The following GNG7 variants were observed in gnomAD, a reference collection of about 807,000 sequenced individuals.
GNG7 encodes the protein G protein subunit gamma 7, also known as guanine nucleotide-binding protein G(I)/G(S)/G(O) subunit gamma-7.
In GNG7, 1 loss-of-function variant was observed where a neutral mutation model predicts 4.0. The ratio of observed to expected loss-of-function variants is 0.25; its 90% CI spans 0.09 to 1.18. The LOEUF (loss-of-function observed/expected upper bound fraction) is 1.18, where lower values mean the gene tolerates loss of function less well. Among genes scored for constraint, GNG7 ranks in the 50% most tolerant of loss-of-function variants. The pLI is 0.50. For missense variants in GNG7, 86 were observed against 91.9 expected, an observed-to-expected ratio of 0.94 and a Z score of 0.26; for synonymous variants, 34 against 36.9, an observed-to-expected ratio of 0.92 and a Z score of 0.29.
chr19:2,570,014 G>A (rs1019535592), intron 2 of GNG7, among the ~76,000 whole-genome samples: 4 of 152,142 alleles, frequency 2.6e-5, no homozygotes, highest in Middle Eastern at 3.2e-3. Flanking sequence ...CCCTATGTTG[G>A]AGGTGAGGCT....
At chr19:2,562,263 T>A (rs1020449088) in intron 2 of GNG7, among the ~76,000 whole-genome samples, 41 of 145,584 alleles carry the variant, frequency 2.8e-4, no homozygotes, top group Admixed American at 1.5e-3. Context: ...TACAGCGGGT[T>A]CCTTTTTCTT....
At chr19:2,551,675 AT>A (rs1263498049) in intron 3 of GNG7, among the ~76,000 whole-genome samples, 20 of 89,074 alleles carry the variant, frequency 2.2e-4, no homozygotes, top group African/African-American at 7.3e-4. Flanking sequence ...TATTTAAAAA[AT>A]ATATATATAT....
chr19:2,534,194 C>T (rs1293748925), intron 3 of GNG7, among the ~76,000 whole-genome samples: 4 of 152,096 alleles, frequency 2.6e-5, no homozygotes, highest in Non-Finnish European at 5.9e-5. Context: ...AGACTCAATG[C>T]CAGCTGTCCC....
In GNG7 at chr19:2,544,196, C is replaced by A. The variant is rs78877182; in HGVS notation, c.-38+10953G>T. 5.4e-3 allele frequency among the ~76,000 whole-genome samples: 821 copies of A among 152,242 alleles called. 8 individuals are homozygous for A. Among genetic ancestry groups the A allele is most frequent in the African/African-American group, 0.019 (781 of 41,542 alleles). Reference sequence around the variant, plus strand: ...TGTTATGTTTAGAGAGGAAAAGATCCAAACCCAAACAAAATGGAACAGTAG... The same window carrying A: ...TGTTATGTTTAGAGAGGAAAAGATCAAAACCCAAACAAAATGGAACAGTAG... On this transcript the variant is annotated intron_variant, in intron 3 of 4. Transcript: ENST00000382159.
chr19:2,568,110 CACATACACACATATAG>C (rs376949948), intron 2 of GNG7, among the ~76,000 whole-genome samples: 2 of 151,350 alleles, frequency 1.3e-5, no homozygotes, highest in African/African-American at 2.4e-5. Flanking sequence ...TACACACATG[CACATACACACATATAG>C]ACATACACAC....
Position 2,656,530 on chromosome 19 carries a change from G to A in GNG7, c.-134-10250C>T, listed in dbSNP as rs1329417860. Reference sequence around the variant, plus strand: ...GGCAGGAGAAGCTTGAACCCAGGAGGCGGGGGTTGCAGTGCGCCAAGATCA... The same window carrying A: ...GGCAGGAGAAGCTTGAACCCAGGAGACGGGGGTTGCAGTGCGCCAAGATCA... On this transcript the variant is annotated intron_variant, in intron 1 of 4. Coordinates refer to ENST00000382159, the MANE Select transcript of GNG7 (RefSeq NM_052847.3). Among the ~76,000 whole-genome samples, 9 of 152,224 alleles carry A rather than the reference G, an allele frequency of 5.9e-5. No homozygotes were observed. The East Asian group carries it at 1.4e-3, about 23-fold the overall frequency.
intron 2 of GNG7, among the ~76,000 whole-genome samples, chr19:2,574,331 G>T (rs1020008006): frequency 6.6e-6 from 1 of 152,058 alleles, no homozygotes; most frequent in African/African-American, 2.4e-5. Context: ...ATCCTCTCCA[G>T]AACTTTCTCC....
chr19:2,557,254 C>T lies in GNG7; in HGVS notation c.-77-2066G>A, dbSNP rs1016722768. Among the ~76,000 whole-genome samples, 1 of 151,074 alleles carries T rather than the reference C, an allele frequency of 6.6e-6. No homozygotes were observed. Among genetic ancestry groups the T allele is most frequent in the Non-Finnish European group, 1.5e-5 (1 of 67,912 alleles). On this transcript the variant is annotated intron_variant, in intron 2 of 4. Coordinates refer to ENST00000382159, the MANE Select transcript of GNG7 (RefSeq NM_052847.3). The surrounding 1 kb of genome is among the most constrained non-coding windows in gnomAD (Gnocchi z 5.1). Reference sequence around the variant, plus strand: ...ACACAGACGCACATGTGCACACACACGTGCACACACATTTGCACACACAGA... The same window carrying T: ...ACACAGACGCACATGTGCACACACATGTGCACACACATTTGCACACACAGA...
At chr19:2,696,300 AAG>A (rs1384835679) in intron 1 of GNG7, among the ~76,000 whole-genome samples, 1 of 102,086 alleles carries the variant, frequency 9.8e-6, no homozygotes, top group African/African-American at 3.9e-5. Context: ...GAGAGAAAGA[AAG>A]AAAGAAAGAA....
At chr19:2,559,999 A>G (rs1233627503) in intron 2 of GNG7, among the ~76,000 whole-genome samples, 1 of 152,118 alleles carries the variant, frequency 6.6e-6, no homozygotes, top group Non-Finnish European at 1.5e-5. Flanking sequence ...AAAGAGCACA[A>G]AAACGCAAAC....
At chr19:2,552,631 C>T (rs946411186) in intron 3 of GNG7, among the ~76,000 whole-genome samples, 9 of 151,138 alleles carry the variant, frequency 6.0e-5, no homozygotes, top group East Asian at 5.8e-4. Context: ...GTGATCCACC[C>T]GCCTCAGCCT....
chr19:2,547,780 A>G lies in GNG7; in HGVS notation c.-38+7369T>C, dbSNP rs548382908. Among the ~76,000 whole-genome samples, 6 of 152,308 alleles carry G rather than the reference A, an allele frequency of 3.9e-5. No homozygotes were observed. In the East Asian group the frequency reaches 1.2e-3, roughly 29 times the overall value. On this transcript the variant is annotated intron_variant, in intron 3 of 4. Transcript: ENST00000382159. ...ACTTCCTGGAACCCACTCTGTTCCC[A>G]GGGCCGATCTCCTTCCCAGGACAGA... is the stretch of plus-strand genomic sequence containing the variant.
chr19:2,684,996 C>T (rs532236725), intron 1 of GNG7, among the ~76,000 whole-genome samples: 19 of 152,154 alleles, frequency 1.2e-4, no homozygotes, highest in Middle Eastern at 3.4e-3. Flanking sequence ...TGGCGGCACA[C>T]GCCTGTAATC....
intron 3 of GNG7, among the ~76,000 whole-genome samples, chr19:2,531,350 C>T (rs1289143157): frequency 6.9e-6 from 1 of 144,746 alleles, no homozygotes; most frequent in Non-Finnish European, 1.5e-5. Flanking sequence ...CAAGAGGAAG[C>T]AGACAGGTCC....
At chr19:2,607,195 T>C (rs1049334452) in intron 2 of GNG7, among the ~76,000 whole-genome samples, 5 of 142,672 alleles carry the variant, frequency 3.5e-5, no homozygotes, top group Non-Finnish European at 6.1e-5. Context: ...CACTCCAGCC[T>C]GGGCGACAGA....
intron 2 of GNG7, among the ~76,000 whole-genome samples, chr19:2,558,250 GTT>G (rs57101652): frequency 6.9e-6 from 1 of 145,832 alleles, no homozygotes; most frequent in Non-Finnish European, 1.5e-5. Context: ...TTTTGTTTTT[GTT>G]TTTTTTTTGA....
Position 2,633,420 on chromosome 19 carries a change from C to CA in GNG7, c.-78+12803dup, listed in dbSNP as rs1006009564. 4.6e-5 allele frequency among the ~76,000 whole-genome samples: 7 copies of CA among 152,090 alleles called. No homozygotes were observed. The highest frequency in any genetic ancestry group is 2.9e-5 in the Non-Finnish European group (2 of 68,014). On this transcript the variant is annotated intron_variant, in intron 2 of 4. Transcript: ENST00000382159. This position sits in a 1 kb window ranked among gnomAD's most constrained non-coding sequence, Gnocchi z 5.9. ...TCTGCCGATGACCAAGTTGGTGCCTCATCCCTCGTTCTGTGGGAGGCTGAC... is the reference window on the plus strand; with the variant it reads ...TCTGCCGATGACCAAGTTGGTGCCTCAATCCCTCGTTCTGTGGGAGGCTGAC...
rs535400564 is a variant in GNG7 at position 2,688,929 on chromosome 19, G to A, written c.-135+13717C>T. On this transcript the variant is annotated intron_variant, in intron 1 of 4. Transcript: ENST00000382159. ...ATAAAACAAAAATTAGCCAGGCACG[G>A]GGTTGCGTGCCTGTGGTCCCAGCTA... 8.5e-5 allele frequency among the ~76,000 whole-genome samples: 13 copies of A among 152,082 alleles called. No individual in the cohort carries two copies. In the South Asian group the frequency reaches 2.7e-3, roughly 32 times the overall value.
chr19:2,661,277 A>AGGAAGGAAG lies in GNG7; in HGVS notation c.-134-14998_-134-14997insCTTCCTTCC, dbSNP rs1491425680. Among the ~76,000 whole-genome samples, 535 of 60,372 alleles carry AGGAAGGAAG rather than the reference A, an allele frequency of 8.9e-3. 3 individuals are homozygous for AGGAAGGAAG. Among genetic ancestry groups the AGGAAGGAAG allele is most frequent in the Non-Finnish European group, 9.9e-3 (323 of 32,672 alleles). 39.6% of individuals were successfully genotyped at this position (60,372 alleles called of 152,430 possible). On this transcript the variant is annotated intron_variant, in intron 1 of 4. Coordinates refer to ENST00000382159, the MANE Select transcript of GNG7 (RefSeq NM_052847.3). ...AGAAAGAAAGAAAGAAAGAAAAGAA[A>AGGAAGGAAG]GAAAGAAAGAAAGAAAGAAAGAAAG...
Sources: gnomAD v4.1 joint callset for allele counts (sites outside exome capture counted in the v4.1 genomes callset) on GRCh38, gnomAD v4.1.1 for gene constraint, Gnocchi (gnomAD v3.1) non-coding constraint, MANE v1.5 for transcripts, NCBI Gene and HGNC (gene_info 2026-07-23, HGNC 2026-07-21) for gene names.